Variants in SLC9A9 observed in about 807,000 individuals in gnomAD.
SLC9A9 encodes the protein solute carrier family 9 member A9.
SLC9A9 carries 62 observed loss-of-function variants against 77.8 expected under a neutral mutation model. That is an observed-to-expected ratio of 0.80 (90% CI 0.65 to 0.98). The LOEUF (loss-of-function observed/expected upper bound fraction) is 0.98, where lower values mean the gene tolerates loss of function less well. Ranked by LOEUF, SLC9A9 falls within the 50% of genes least tolerant of loss-of-function variation. The pLI is 0.00. For missense variants in SLC9A9, 775 were observed against 774.9 expected, an observed-to-expected ratio of 1.00 and a Z score of 0.00; for synonymous variants, 320 against 283.5, an observed-to-expected ratio of 1.13 and a Z score of -1.29.
At chr3:143,303,072 A>G (rs530743505) in intron 14 of SLC9A9, among the ~76,000 whole-genome samples, 144 of 152,294 alleles carry the variant, frequency 9.5e-4, no homozygotes, top group Middle Eastern at 3.4e-3. Flanking sequence ...CCGGACTTCC[A>G]GTGTGACACA....
At chr3:143,810,572 A>G (rs2008838818) in intron 2 of SLC9A9, among the ~76,000 whole-genome samples, 1 of 152,246 alleles carries the variant, frequency 6.6e-6, no homozygotes, top group African/African-American at 2.4e-5. Context: ...CAGGACTATC[A>G]CTGGGAATTG....
intron 4 of SLC9A9, among the ~76,000 whole-genome samples, chr3:143,743,276 TAGATAGATAGATAGAC>T (rs549773777): frequency 0.013 from 1,888 of 150,366 alleles, 16 homozygotes; most frequent in African/African-American, 0.018. Flanking sequence ...GATAGATAGA[TAGATAGATAGATAGAC>T]AGACAGATAG....
At chr3:143,280,540 A>G (rs1012746385) in intron 14 of SLC9A9, among the ~76,000 whole-genome samples, 1 of 143,654 alleles carries the variant, frequency 7.0e-6, no homozygotes, top group East Asian at 2.0e-4. Flanking sequence ...ACCTAGAACT[A>G]CATTTTTTTT....
intron 12 of SLC9A9, among the ~76,000 whole-genome samples, chr3:143,417,299 T>G (rs1161656134): frequency 6.6e-6 from 1 of 152,046 alleles, no homozygotes; most frequent in Non-Finnish European, 1.5e-5. Flanking sequence ...TACTATGGAC[T>G]GAAATTTGCC....
chr3:143,727,982 C>T lies in SLC9A9; in HGVS notation c.534-34675G>A, dbSNP rs898333054. On this transcript the variant is annotated intron_variant, in intron 4 of 15. Coordinates refer to ENST00000316549, the MANE Select transcript of SLC9A9 (RefSeq NM_173653.4). ...TCACAGTTATGGCTAGGCTTCCCCT[C>T]GTTGCCTGCACAGATTTTTATTTCT... Among the ~76,000 whole-genome samples, 14 of 152,342 alleles carry T rather than the reference C, an allele frequency of 9.2e-5. No individual in the cohort carries two copies. The East Asian group carries it at 1.5e-3, about 17-fold the overall frequency.
At chr3:143,697,972 GC>G (rs1933689490) in intron 4 of SLC9A9, 1 of 152,120 alleles carries the variant, frequency 6.6e-6, no homozygotes, top group African/African-American at 2.4e-5. Context: ...ATAAATGGTA[GC>G]TATTGTTATT....
intron 4 of SLC9A9, among the ~76,000 whole-genome samples, chr3:143,793,234 A>G (rs1290130546): frequency 6.6e-6 from 1 of 152,136 alleles, no homozygotes; most frequent in Non-Finnish European, 1.5e-5. Flanking sequence ...TGTTTTAGAT[A>G]AAGGCAATTA....
intron 6 of SLC9A9, among the ~76,000 whole-genome samples, chr3:143,651,388 G>A (rs980669765): frequency 2.6e-5 from 4 of 152,194 alleles, no homozygotes; most frequent in South Asian, 2.1e-4. Context: ...AAAAAAAAGA[G>A]TAGTGCTGCT....
intron 12 of SLC9A9, among the ~76,000 whole-genome samples, chr3:143,429,363 T>A (rs545316084): frequency 3.2e-4 from 48 of 152,292 alleles, no homozygotes; most frequent in African/African-American, 1.1e-3. Flanking sequence ...GGATGAGGTA[T>A]GGAGTAAGAG....
At chr3:143,407,769 T>G (rs573158392) in intron 12 of SLC9A9, among the ~76,000 whole-genome samples, 1 of 152,344 alleles carries the variant, frequency 6.6e-6, no homozygotes, top group South Asian at 2.1e-4. Flanking sequence ...AATGTCATGA[T>G]CAAAATTAAC....
At position 143,731,755 on chromosome 3, in the gene SLC9A9, T is replaced by A. The variant is rs971915923; in HGVS notation, c.534-38448A>T. 2.0e-5 allele frequency among the ~76,000 whole-genome samples: 3 copies of A among 152,204 alleles called. No homozygotes were observed. The South Asian group carries it at 6.2e-4, about 32-fold the overall frequency. Reference sequence around the variant, plus strand: ...TCTAAGGTGCAGTCACCCCTCTGTATCCATTGCTCTTTTCTGAACAAGTCC... The same window carrying A: ...TCTAAGGTGCAGTCACCCCTCTGTAACCATTGCTCTTTTCTGAACAAGTCC... On this transcript the variant is annotated intron_variant, in intron 4 of 15. Coordinates refer to ENST00000316549, the MANE Select transcript of SLC9A9 (RefSeq NM_173653.4).
chr3:143,487,076 T>C (rs1015581590), intron 11 of SLC9A9, among the ~76,000 whole-genome samples: 6 of 151,854 alleles, frequency 4.0e-5, no homozygotes, highest in Non-Finnish European at 5.9e-5. Flanking sequence ...AGTAAAAGGC[T>C]AGAAAAAGAT....
intron 6 of SLC9A9, among the ~76,000 whole-genome samples, chr3:143,594,559 C>G (rs2037720605): frequency 6.6e-6 from 1 of 151,964 alleles, no homozygotes; most frequent in African/African-American, 2.4e-5. Context: ...GTTCCAAGCT[C>G]TTCTGCATTT....
chr3:143,386,363 G>C (rs556894710), intron 12 of SLC9A9, among the ~76,000 whole-genome samples: 1 of 152,306 alleles, frequency 6.6e-6, no homozygotes, highest in South Asian at 2.1e-4. Flanking sequence ...TTGTTCAAGG[G>C]TCAGTGAAAC....
chr3:143,779,608 T>C (rs1490608205), intron 4 of SLC9A9, among the ~76,000 whole-genome samples: 2 of 152,154 alleles, frequency 1.3e-5, no homozygotes, highest in African/African-American at 4.8e-5. Context: ...TGACCTCAGG[T>C]GATCCATCCA....
At chr3:143,431,594 T>C (rs1182458175) in intron 12 of SLC9A9, among the ~76,000 whole-genome samples, 2 of 151,536 alleles carry the variant, frequency 1.3e-5, no homozygotes, top group African/African-American at 2.4e-5. Context: ...GCCATTCTCC[T>C]GCCTCAGCCT....
At chr3:143,646,360 A>G (rs1202049723) in intron 6 of SLC9A9, among the ~76,000 whole-genome samples, 1 of 148,144 alleles carries the variant, frequency 6.8e-6, no homozygotes, top group Non-Finnish European at 1.5e-5. Flanking sequence ...AGTATATATA[A>G]TATATAATTT....
At chr3:143,315,279 C>A (rs184259612) in intron 14 of SLC9A9, among the ~76,000 whole-genome samples, 19 of 152,350 alleles carry the variant, frequency 1.2e-4, no homozygotes, top group African/African-American at 4.6e-4. Context: ...ACTGGACACA[C>A]ATTAGCAAGC....
At chr3:143,418,056 A>G (rs75258490) in intron 12 of SLC9A9, among the ~76,000 whole-genome samples, 6,099 of 151,362 alleles carry the variant, frequency 0.04, 147 homozygotes, top group African/African-American at 0.061. Context: ...AAGTTGACAT[A>G]CAAATCTATG....
Sources: allele counts gnomAD v4.1 joint callset (sites outside exome capture counted in the v4.1 genomes callset), GRCh38; gene constraint gnomAD v4.1.1; transcripts MANE v1.5; gene names NCBI Gene and HGNC (gene_info 2026-07-23, HGNC 2026-07-21).